PTGER3: variants seen among roughly 807,000 people sequenced by gnomAD.
PTGER3 encodes the protein prostaglandin E2 receptor EP3 subtype.
PTGER3 carries 22 observed loss-of-function variants against 34.7 expected under a neutral mutation model. The observed-to-expected ratio is 0.63, with a 90% CI of 0.45 to 0.91. The LOEUF is 0.91. PTGER3 is among the 40% of genes least tolerant of loss of function. PTGER3 has a pLI of 0.00. For missense variants in PTGER3, 468 were observed against 519.4 expected (o/e 0.90, Z 0.96); for synonymous variants, 241 against 230.1 (o/e 1.05, Z -0.43).
chr1:70,892,613 G>C (rs1174197947), intron 4 of PTGER3, among the ~76,000 whole-genome samples: 1 of 152,018 alleles, frequency 6.6e-6, no homozygotes, highest in East Asian at 1.9e-4. Flanking sequence ...GGCTGAGGTG[G>C]GTGGATCATT....
chr1:70,865,827 G>A, intron 4 of PTGER3: 2 of 1,356,790 alleles, frequency 1.5e-6, no homozygotes, highest in Non-Finnish European at 2.0e-6. Flanking sequence ...GTGGGAAGAA[G>A]AGGAGCCTGA....
chr1:70,884,964 T>G (rs1646466601), intron 4 of PTGER3, among the ~76,000 whole-genome samples: 1 of 152,172 alleles, frequency 6.6e-6, no homozygotes, highest in Non-Finnish European at 1.5e-5. Flanking sequence ...CTTCCTTTAT[T>G]TGGGACACAA....
At chr1:70,852,944 C>T (rs1332788895) in intron 4 of PTGER3, 1 of 1,428,386 alleles carries the variant, frequency 7.0e-7, no homozygotes, top group Non-Finnish European at 9.8e-7. Flanking sequence ...AATAAATTCT[C>T]ATAAATTTCA....
Position 71,009,684 on chromosome 1 carries a change from TGGC to T in PTGER3, c.1077+2618_1077+2620del, listed in dbSNP as rs1657274628. On this transcript the variant is annotated intron_variant, in intron 2 of 3. Transcript: ENST00000306666. ...CTTACTTCTTCCACCATGGTTTTCT[TGGC>T]CTTTAATTGTCTTTTAACCAATACT... 9 of 984,972 alleles carry T rather than the reference TGGC, an allele frequency of 9.1e-6. No homozygotes were observed. In the African/African-American group the frequency reaches 1.1e-4, roughly 12 times the overall value. The allele number at this position is 984,972 out of a possible 1,614,324, so 61.0% of individuals were successfully genotyped here. A position where few individuals can be genotyped will look rare whatever the true frequency, so the allele number is the denominator to read the frequency against.
rs370868466 is a variant in PTGER3 at position 70,916,185 on chromosome 1, T to A, written c.*23+37578A>T. Among the ~76,000 whole-genome samples, 3 of 152,074 alleles carry A rather than the reference T, an allele frequency of 2.0e-5. No homozygotes were observed. In the East Asian group the frequency reaches 5.8e-4, roughly 29 times the overall value. On this transcript the variant is annotated intron_variant, in intron 4 of 4. Coordinates refer to the PTGER3 transcript ENST00000370931. Reference sequence around the variant, plus strand: ...AATGCAAATCAAAACCACAATGAGATACAATCTCACACCAGTCAGAATGGC... The same window carrying A: ...AATGCAAATCAAAACCACAATGAGAAACAATCTCACACCAGTCAGAATGGC...
At chr1:71,042,790 A>T (rs1004295962) in intron 1 of PTGER3, among the ~76,000 whole-genome samples, 1 of 152,208 alleles carries the variant, frequency 6.6e-6, no homozygotes, top group Non-Finnish European at 1.5e-5. Context: ...ATGAAAAAAA[A>T]TCACAACTAC....
intron 1 of PTGER3, among the ~76,000 whole-genome samples, chr1:71,029,110 T>C (rs183334115): frequency 2.0e-5 from 3 of 152,312 alleles, no homozygotes; most frequent in Admixed American, 1.3e-4. Flanking sequence ...TAAAAAACCA[T>C]CTAATGTATG....
chr1:70,949,825 T>C (rs1650577800), downstream of PTGER3, among the ~76,000 whole-genome samples: 1 of 152,126 alleles, frequency 6.6e-6, no homozygotes, highest in African/African-American at 2.4e-5. Context: ...GTAGCTAGCA[T>C]AATGGTAATT....
chr1:71,039,548 G>A (rs1257731766), intron 1 of PTGER3, among the ~76,000 whole-genome samples: 2 of 150,826 alleles, frequency 1.3e-5, no homozygotes, highest in African/African-American at 4.9e-5. Context: ...TACTCGGGAG[G>A]CTGAGGCAGG....
intron 1 of PTGER3, among the ~76,000 whole-genome samples, chr1:71,027,001 C>G (rs980677933): frequency 1.3e-5 from 2 of 152,142 alleles, no homozygotes; most frequent in South Asian, 4.1e-4. Context: ...ACACCATTGA[C>G]TCCCTCTCTC....
At chr1:70,958,752 C>A (rs1651616898) in intron 2 of PTGER3, among the ~76,000 whole-genome samples, 1 of 152,084 alleles carries the variant, frequency 6.6e-6, no homozygotes. Context: ...AACCTTTTCC[C>A]AGTTCAATTT....
chr1:70,997,360 A>T (rs1464863039), intron 2 of PTGER3, among the ~76,000 whole-genome samples: 1 of 152,212 alleles, frequency 6.6e-6, no homozygotes, highest in African/African-American at 2.4e-5. Context: ...AACAGGTTAG[A>T]TAATATTGTA....
intron 1 of PTGER3, among the ~76,000 whole-genome samples, chr1:71,014,671 A>G (rs1268710818): frequency 1.3e-5 from 2 of 152,204 alleles, no homozygotes; most frequent in Non-Finnish European, 2.9e-5. Context: ...AGAAGACAGC[A>G]GTCTACAAGC....
chr1:70,861,183 A>C (rs891478558), intron 4 of PTGER3, among the ~76,000 whole-genome samples: 1 of 152,242 alleles, frequency 6.6e-6, no homozygotes, highest in African/African-American at 2.4e-5. Flanking sequence ...CAGGAATAGC[A>C]AGAAATTCAA....
chr1:70,856,765 T>C (rs761503141), intron 4 of PTGER3, among the ~76,000 whole-genome samples: 4 of 152,186 alleles, frequency 2.6e-5, no homozygotes, highest in African/African-American at 4.8e-5. Context: ...ACTCACTTTC[T>C]CCCAATGGTT....
chr1:70,927,379 A>G (rs897006691), intron 4 of PTGER3, among the ~76,000 whole-genome samples: 1 of 152,176 alleles, frequency 6.6e-6, no homozygotes, highest in Non-Finnish European at 1.5e-5. Context: ...AGAAGTGACA[A>G]TTGTTTAAGA....
At chr1:71,004,129 T>C (rs1437146833) in intron 2 of PTGER3, among the ~76,000 whole-genome samples, 2 of 152,242 alleles carry the variant, frequency 1.3e-5, no homozygotes, top group Non-Finnish European at 2.9e-5. Context: ...TATGTTATAT[T>C]CAAAGCCTTC....
chr1:70,896,925 C>T (rs751796363), intron 4 of PTGER3, among the ~76,000 whole-genome samples: 13 of 152,146 alleles, frequency 8.5e-5, no homozygotes, highest in South Asian at 6.2e-4. Flanking sequence ...TAAATGCGGA[C>T]GCTGGATTTC....
intron 1 of PTGER3, among the ~76,000 whole-genome samples, chr1:71,021,105 GAATT>G (rs1658377616): frequency 1.3e-5 from 2 of 152,038 alleles, no homozygotes; most frequent in Non-Finnish European, 1.5e-5. Flanking sequence ...AGAAATAAAT[GAATT>G]GTGTCTATAT....
Sources: allele counts gnomAD v4.1 joint callset (sites outside exome capture counted in the v4.1 genomes callset), GRCh38; gene constraint gnomAD v4.1.1; transcripts MANE v1.5; gene names NCBI Gene and HGNC (gene_info 2026-07-23, HGNC 2026-07-21).